Variants in TXNRD3 observed in about 807,000 individuals in gnomAD.
TXNRD3 encodes thioredoxin reductase 3, also known as TXNRD3 neighbor gene protein.
Under a neutral mutation model 78.2 loss-of-function variants are expected in TXNRD3, and 68 were observed. That is an observed-to-expected ratio of 0.87 (90% CI 0.72 to 1.06). The LOEUF is 1.06. Among genes scored for constraint, TXNRD3 ranks in the 50% least tolerant of loss-of-function variants. The probability of loss-of-function intolerance (pLI) is 0.00; values close to 1 mark genes in which losing one functional copy is unlikely to be tolerated. For synonymous variants in TXNRD3, 296 were observed against 300.1 expected (o/e 0.99, Z 0.14); for missense variants, 751 against 809.5 (o/e 0.93, Z 0.88).
intron 1 of TXNRD3, among the ~76,000 whole-genome samples, chr3:126,651,549 C>T (rs914954564): frequency 3.5e-4 from 53 of 152,274 alleles, no homozygotes; most frequent in African/African-American, 1.2e-3. Flanking sequence ...ACATTATGTG[C>T]CTGACACTAT....
chr3:126,612,234 C>T (rs189403842), intron 13 of TXNRD3, among the ~76,000 whole-genome samples: 18 of 152,138 alleles, frequency 1.2e-4, no homozygotes, highest in African/African-American at 4.3e-4. Context: ...GATGGGGTGT[C>T]GCCATGTTGC....
At chr3:126,649,252 C>T (rs1933316362) in intron 1 of TXNRD3, among the ~76,000 whole-genome samples, 2 of 152,184 alleles carry the variant, frequency 1.3e-5, no homozygotes, top group South Asian at 4.1e-4. Context: ...AGTTGTTCAT[C>T]ATCACTAATC....
intron 7 of TXNRD3, among the ~76,000 whole-genome samples, chr3:126,633,266 T>C (rs1938767214): frequency 6.6e-6 from 1 of 152,186 alleles, no homozygotes. Flanking sequence ...AGGGCAGCTT[T>C]AAATGGACCA....
At chr3:126,635,723 G>A (rs1466196291) in intron 6 of TXNRD3, among the ~76,000 whole-genome samples, 1 of 152,000 alleles carries the variant, frequency 6.6e-6, no homozygotes, top group Non-Finnish European at 1.5e-5. Flanking sequence ...TAAATTTTTT[G>A]TTATGCCTTT....
intron 6 of TXNRD3, 78 bp downstream of exon 6, chr3:126,641,954 A>C: frequency 7.1e-7 from 1 of 1,408,834 alleles, no homozygotes; most frequent in South Asian, 1.5e-5. Context: ...CAACTATAAA[A>C]ATATGAATAC....
At chr3:126,640,095 T>TATCTCAGTGAACAGTATTCCA (rs1275221853) in intron 6 of TXNRD3, among the ~76,000 whole-genome samples, 218 of 8,190 alleles carry the variant, frequency 0.027, 45 homozygotes, top group Non-Finnish European at 0.045. Flanking sequence ...TTGTGTTTTC[T>TATCTCAGTGAACAGTATTCCA]TTTTTTTTTT....
chr3:126,632,105 C>T (rs2107619392), intron 7 of TXNRD3, among the ~76,000 whole-genome samples: 1 of 152,170 alleles, frequency 6.6e-6, no homozygotes, highest in Admixed American at 6.5e-5. Flanking sequence ...GAAAGCCAAT[C>T]AAGGATGTAT....
At chr3:126,609,120 G>A (rs1217614547) in intron 14 of TXNRD3, 1 of 439,556 alleles carries the variant, frequency 2.3e-6, no homozygotes, top group South Asian at 1.6e-5. Context: ...GGTATGGGGT[G>A]CAGGCAATGA....
At chr3:126,630,437 T>A (rs1370797160) in intron 9 of TXNRD3, among the ~76,000 whole-genome samples, 3 of 151,806 alleles carry the variant, frequency 2.0e-5, no homozygotes, top group Admixed American at 6.6e-5. Context: ...GTGATAAGAA[T>A]AAGGAAAAAG....
intron 12 of TXNRD3, among the ~76,000 whole-genome samples, chr3:126,616,162 G>T (rs552285623): frequency 6.6e-6 from 1 of 152,348 alleles, no homozygotes; most frequent in East Asian, 1.9e-4. Flanking sequence ...CTTGGGAGAA[G>T]AGAGGGCCTC....
chr3:126,629,609 T>C (rs1938664939), intron 9 of TXNRD3, 138 bp from the exon 10 acceptor site: 1 of 590,688 alleles, frequency 1.7e-6, no homozygotes, highest in African/African-American at 1.9e-5. Context: ...ATAAGGTTTC[T>C]GGATAAGGCA....
chr3:126,637,354 A>C (rs12695488), intron 6 of TXNRD3, among the ~76,000 whole-genome samples: 5,436 of 151,982 alleles, frequency 0.036, 125 homozygotes, highest in African/African-American at 0.059. Flanking sequence ...ACATTTGCCT[A>C]TTTTATTTGT....
intron 6 of TXNRD3, among the ~76,000 whole-genome samples, chr3:126,636,986 ATTC>A (rs1260563934): frequency 1.1e-4 from 16 of 151,782 alleles, no homozygotes; most frequent in African/African-American, 2.7e-4. Context: ...GCCCAAGACA[ATTC>A]TTCTTCCAAT....
At chr3:126,608,070 T>G (rs2107606857) in intron 15 of TXNRD3, 97 bp from the exon 16 acceptor site, 2 of 986,386 alleles carry the variant, frequency 2.0e-6, no homozygotes, top group East Asian at 5.8e-5. Context: ...CTTTAAAATA[T>G]ACAAATCTGG....
chr3:126,615,322 A>C, intron 13 of TXNRD3, 33 bp downstream of exon 13: 1 of 1,129,864 alleles, frequency 8.9e-7, no homozygotes, highest in Non-Finnish European at 1.2e-6. Flanking sequence ...TTAAAAGAGA[A>C]TTTTTTAAGG....
chr3:126,609,094 G>C, intron 14 of TXNRD3: 2 of 395,004 alleles, frequency 5.1e-6, no homozygotes, highest in South Asian at 3.7e-5. Flanking sequence ...CTGTCACCCA[G>C]GGCTGTGTGC....
chr3:126,625,635 A>G (rs1938563270), intron 10 of TXNRD3, among the ~76,000 whole-genome samples: 1 of 152,090 alleles, frequency 6.6e-6, no homozygotes, highest in East Asian at 1.9e-4. Context: ...GTGTCTTTAT[A>G]GCAACATTAT....
intron 9 of TXNRD3, among the ~76,000 whole-genome samples, chr3:126,629,885 G>A (rs1313611768): frequency 6.6e-6 from 1 of 152,186 alleles, no homozygotes; most frequent in Non-Finnish European, 1.5e-5. Flanking sequence ...ATTTCTAGTA[G>A]GCAGTAGTAT....
chr3:126,623,533 T>C (rs1174908901), intron 10 of TXNRD3, among the ~76,000 whole-genome samples: 2 of 152,334 alleles, frequency 1.3e-5, no homozygotes, highest in East Asian at 3.9e-4. Context: ...AATGCAAATT[T>C]GGTTTAACAT....
Sources: allele counts gnomAD v4.1 joint callset (sites outside exome capture counted in the v4.1 genomes callset), GRCh38; gene constraint gnomAD v4.1.1; transcripts MANE v1.5; gene names NCBI Gene and HGNC (gene_info 2026-07-23, HGNC 2026-07-21).